NFKBIL1: variants seen among roughly 807,000 people sequenced by gnomAD.
NFKBIL1 encodes the protein NFKB inhibitor like 1, also known as NF-kappa-B inhibitor-like protein 1.
In NFKBIL1, 30 loss-of-function variants were observed where a neutral mutation model predicts 45.4. The observed-to-expected ratio is 0.66, with a 90% CI of 0.49 to 0.90. The LOEUF (loss-of-function observed/expected upper bound fraction) is 0.90. NFKBIL1 is among the 40% of genes least tolerant of loss of function. NFKBIL1 has a pLI of 0.00. For synonymous variants in NFKBIL1, 179 were observed against 197.3 expected (o/e 0.91, Z 0.78); for missense variants, 434 against 513.4 (o/e 0.85, Z 1.49).
Position 31,548,219 on chromosome 6 carries a change from T to A in NFKBIL1, c.114T>A (p.Arg38=). 6.2e-7 allele frequency: 1 copy of A among 1,613,084 alleles called. No homozygotes were observed. The change falls in exon 2 of 4, where the codon CGT becomes CGA. Residue 38 remains arginine, a synonymous_variant. Transcript: ENST00000376148. ...SRRQRRERRF[R]RYLSAGRLVR... ...GCCAACGCCGAGAACGTCGCTTTCG[T>A]CGTTACTTGTCTGCAGGACGGCTGG...
intron 2 of NFKBIL1, among the ~76,000 whole-genome samples, chr6:31,555,856 C>T (rs1338402078): frequency 6.7e-6 from 1 of 148,710 alleles, no homozygotes; most frequent in Non-Finnish European, 1.5e-5. Context: ...TTTTCACCAT[C>T]TTGGCCAGGC....
Position 31,558,217 on chromosome 6 carries a change from G to C in NFKBIL1, c.752G>C (p.Arg251Pro). 2 of 1,597,690 alleles carry C rather than the reference G, an allele frequency of 1.3e-6. No homozygotes were observed. Among genetic ancestry groups the C allele is most frequent in the Middle Eastern group, 1.7e-4 (1 of 6,010 alleles). ...CAGCGGCTCTTCAGGGAGCGAGCCCGGGCCAAGGAGGAAGAGCTGCGTGAG... is the reference window on the plus strand; with the variant it reads ...CAGCGGCTCTTCAGGGAGCGAGCCCCGGCCAAGGAGGAAGAGCTGCGTGAG... ...EEQRLFRERA[R>P]AKEEELRESR... is the part of the protein sequence containing the mutation. The change falls in exon 4 of 4, where the codon CGG becomes CCG. Residue 251 changes from arginine (R) to proline (P), a missense_variant. Coordinates refer to ENST00000376148, the MANE Select transcript of NFKBIL1 (RefSeq NM_005007.4). This position sits in a 1 kb window ranked among gnomAD's most constrained non-coding sequence, Gnocchi z 7.2.
At chr6:31,549,500 C>T (rs1327305406) in intron 2 of NFKBIL1, among the ~76,000 whole-genome samples, 1 of 150,036 alleles carries the variant, frequency 6.7e-6, no homozygotes, top group African/African-American at 2.5e-5. Context: ...GATCCACCAA[C>T]CTCAGCCTCT....
chr6:31,558,000 C>T lies in NFKBIL1; in HGVS notation c.557-22C>T. The T allele has an allele frequency of 2.7e-6, 4 of 1,483,528 alleles. 1 individual carries two copies. The highest frequency in any genetic ancestry group is 3.7e-6 in the Non-Finnish European group (4 of 1,082,164). The allele number at this position is 1,483,528 out of a possible 1,614,324, so 91.9% of individuals were successfully genotyped here. ...TTCTCACAGCCTCTCTCCAACTACC[C>T]CCATCCCACCCTCCCAAACAGGTGA... On this transcript the variant is annotated intron_variant, in intron 3 of 3. Transcript: ENST00000376148. This position sits in a 1 kb window ranked among gnomAD's most constrained non-coding sequence, Gnocchi z 5.4.
At chr6:31,552,566 C>T (rs1312244530) in intron 2 of NFKBIL1, among the ~76,000 whole-genome samples, 2 of 151,960 alleles carry the variant, frequency 1.3e-5, no homozygotes, top group African/African-American at 2.4e-5. Flanking sequence ...GGATTACAGG[C>T]GTGAGCCACA....
Position 31,557,963 on chromosome 6 carries a change from G to A in NFKBIL1, c.557-59G>A, listed in dbSNP as rs1562456456. ...CTCCTCTGTGCTTCCCTGCTTCTTG[G>A]GGCCCATCACCTTCTCACAGCCTCT... On this transcript the variant is annotated intron_variant, in intron 3 of 3. Coordinates refer to ENST00000376148, the MANE Select transcript of NFKBIL1 (RefSeq NM_005007.4). The surrounding 1 kb of genome is among the most constrained non-coding windows in gnomAD (Gnocchi z 5.4). 2 of 1,496,570 alleles carry A rather than the reference G, an allele frequency of 1.3e-6. No homozygotes were observed. Among genetic ancestry groups the A allele is most frequent in the East Asian group, 2.4e-5 (1 of 41,828 alleles). The allele number at this position is 1,496,570 out of a possible 1,614,324, so 92.7% of individuals were successfully genotyped here. A position where few individuals can be genotyped will look rare whatever the true frequency, so the allele number is the denominator to read the frequency against.
At chr6:31,556,845 GATA>G (rs1258626110) in intron 2 of NFKBIL1, 5 of 437,620 alleles carry the variant, frequency 1.1e-5, no homozygotes, top group East Asian at 7.1e-5. Flanking sequence ...ATTGATAAGT[GATA>G]ATAAAAGATA....
chr6:31,551,457 G>A (rs2150362619), intron 2 of NFKBIL1, among the ~76,000 whole-genome samples: 1 of 152,294 alleles, frequency 6.6e-6, no homozygotes, highest in Middle Eastern at 3.4e-3. Flanking sequence ...TCCAAAGGGG[G>A]ACCCAAGCTC....
At position 31,558,050 on chromosome 6, in the gene NFKBIL1, T is replaced by C; in HGVS notation, c.585T>C (p.Pro195=). The change falls in exon 4 of 4, where the codon CCT becomes CCC. Residue 195 remains proline, a synonymous_variant. Transcript: ENST00000376148. The surrounding 1 kb of genome is among the most constrained non-coding windows in gnomAD (Gnocchi z 7.2). ...EGDASHETQE[P]ESFSAWSDRL... is the part of the protein sequence containing the mutation. ...ATGCCTCCCATGAAACCCAGGAACC[T>C]GAGTCCTTCTCAGCCTGGTCAGATC... 2 of 1,357,146 alleles carry C rather than the reference T, an allele frequency of 1.5e-6. No homozygotes were observed. The highest frequency in any genetic ancestry group is 2.0e-6 in the Non-Finnish European group (2 of 1,019,198). The allele number at this position is 1,357,146 out of a possible 1,614,324, so 84.1% of individuals were successfully genotyped here.
Position 31,548,264 on chromosome 6 carries a change from C to T in NFKBIL1, c.159C>T (p.Leu53=), listed in dbSNP as rs1582995042. The T allele has an allele frequency of 6.2e-7, 1 of 1,612,882 alleles. No homozygotes were observed. Among genetic ancestry groups the T allele is most frequent in the Non-Finnish European group, 8.5e-7 (1 of 1,180,018 alleles). Residue 53 remains leucine, a synonymous_variant, in exon 2 of 4, where the codon CTC becomes CTT. Coordinates refer to ENST00000376148, the MANE Select transcript of NFKBIL1 (RefSeq NM_005007.4). ...AGRLVRAQAL[L]QRHPGLDVDA... Reference sequence around the variant, plus strand: ...GGCTGGTCCGGGCCCAGGCCCTCCTCCAGCGACACCCAGGCCTCGATGTAG... The same window carrying T: ...GGCTGGTCCGGGCCCAGGCCCTCCTTCAGCGACACCCAGGCCTCGATGTAG...
chr6:31,558,636 C>G lies in NFKBIL1; in HGVS notation c.*25C>G. On this transcript the variant is annotated 3_prime_UTR_variant, in exon 4 of 4. Coordinates refer to ENST00000376148, the MANE Select transcript of NFKBIL1 (RefSeq NM_005007.4). The surrounding 1 kb of genome is among the most constrained non-coding windows in gnomAD (Gnocchi z 7.2). ...ACCCTAGGGAAGAAGCAAGAAACTTCGGGGCTGCAGCCTCAGGATGAGGCA... is the reference window on the plus strand; with the variant it reads ...ACCCTAGGGAAGAAGCAAGAAACTTGGGGGCTGCAGCCTCAGGATGAGGCA... The G allele has an allele frequency of 6.6e-7, 1 of 1,519,524 alleles. No individual in the cohort carries two copies. The highest frequency in any genetic ancestry group is 8.9e-7 in the Non-Finnish European group (1 of 1,124,160). The allele number at this position is 1,519,524 out of a possible 1,614,324, so 94.1% of individuals were successfully genotyped here.
At chr6:31,549,958 T>G (rs1396614870) in intron 2 of NFKBIL1, among the ~76,000 whole-genome samples, 6 of 152,058 alleles carry the variant, frequency 3.9e-5, no homozygotes, top group Non-Finnish European at 8.8e-5. Flanking sequence ...TCCCAGCACT[T>G]TGGGAGGCCA....
Position 31,557,969 on chromosome 6 carries a change from A to G in NFKBIL1, c.557-53A>G. The G allele has an allele frequency of 6.6e-7, 1 of 1,504,676 alleles. No homozygotes were observed. Among genetic ancestry groups the G allele is most frequent in the Non-Finnish European group, 9.0e-7 (1 of 1,115,134 alleles). 93.2% of individuals were successfully genotyped at this position (1,504,676 alleles called of 1,614,324 possible). On this transcript the variant is annotated intron_variant, in intron 3 of 3. Coordinates refer to ENST00000376148, the MANE Select transcript of NFKBIL1 (RefSeq NM_005007.4). The surrounding 1 kb of genome is among the most constrained non-coding windows in gnomAD (Gnocchi z 5.4). The stretch of plus-strand genomic sequence containing the variant: ...TGTGCTTCCCTGCTTCTTGGGGCCC[A>G]TCACCTTCTCACAGCCTCTCTCCAA...
At chr6:31,556,324 C>A (rs1769739750) in intron 2 of NFKBIL1, among the ~76,000 whole-genome samples, 1 of 152,188 alleles carries the variant, frequency 6.6e-6, no homozygotes. Context: ...CTGGCCTTGC[C>A]TTCCCCTATT....
intron 2 of NFKBIL1, among the ~76,000 whole-genome samples, chr6:31,553,723 G>A (rs562075993): frequency 8.5e-5 from 13 of 152,170 alleles, no homozygotes; most frequent in South Asian, 6.2e-4. Context: ...GAGTCCAGTC[G>A]CGCAATCTTG....
intron 2 of NFKBIL1, among the ~76,000 whole-genome samples, chr6:31,550,342 A>T (rs543651868): frequency 9.0e-4 from 137 of 151,808 alleles, no homozygotes; most frequent in Non-Finnish European, 1.7e-3. Context: ...GATCCAGATG[A>T]ACAACCCTAA....
At position 31,557,914 on chromosome 6, in the gene NFKBIL1, C is replaced by T. The variant is rs935723905; in HGVS notation, c.556+65C>T. 16 of 1,508,042 alleles carry T rather than the reference C, an allele frequency of 1.1e-5. No individual in the cohort carries two copies. The highest frequency in any genetic ancestry group is 1.4e-5 in the Non-Finnish European group (16 of 1,111,662). 93.4% of individuals were successfully genotyped at this position (1,508,042 alleles called of 1,614,324 possible). ...TGGCTGCTTTCCATCTGCATGAATG[C>T]GTCACACTAGGCTCCTCTGCCCCCT... On this transcript the variant is annotated intron_variant, in intron 3 of 3. Coordinates refer to ENST00000376148, the MANE Select transcript of NFKBIL1 (RefSeq NM_005007.4). This position sits in a 1 kb window ranked among gnomAD's most constrained non-coding sequence, Gnocchi z 5.4.
chr6:31,556,242 C>A (rs1401681096), intron 2 of NFKBIL1, among the ~76,000 whole-genome samples: 1 of 152,070 alleles, frequency 6.6e-6, no homozygotes, highest in African/African-American at 2.4e-5. Context: ...CCCCCACCAA[C>A]CCTGATGTGA....
At chr6:31,554,264 C>T (rs1326785627) in intron 2 of NFKBIL1, among the ~76,000 whole-genome samples, 4 of 151,928 alleles carry the variant, frequency 2.6e-5, no homozygotes, top group African/African-American at 9.7e-5. Context: ...ATTAGCCAGG[C>T]GTGGTGGTAC....
Sources: gnomAD v4.1 joint callset for allele counts (sites outside exome capture counted in the v4.1 genomes callset) on GRCh38, gnomAD v4.1.1 for gene constraint, Gnocchi (gnomAD v3.1) non-coding constraint, MANE v1.5 for transcripts, NCBI Gene and HGNC (gene_info 2026-07-23, HGNC 2026-07-21) for gene names.